The following TEDC1 variants were observed in gnomAD, a reference collection of about 807,000 sequenced individuals.
TEDC1 encodes the protein tubulin epsilon and delta complex protein 1.
TEDC1 carries 54 observed loss-of-function variants against 59.9 expected under a neutral mutation model. That is an observed-to-expected ratio of 0.90 (90% CI 0.72 to 1.13). The LOEUF (loss-of-function observed/expected upper bound fraction) is 1.13. Ranked by LOEUF, TEDC1 falls within the 50% of genes most tolerant of loss-of-function variation. The pLI is 0.00. For synonymous variants in TEDC1, 353 were observed against 298.1 expected (o/e 1.18, Z -1.90); for missense variants, 734 against 683.4 (o/e 1.07, Z -0.83).
chr14:105,497,947 G>C lies in TEDC1; in HGVS notation c.1128G>C (p.Ala376=). The change falls in exon 8 of 9, where the codon GCG becomes GCC. Residue 376 remains alanine, a synonymous_variant. Coordinates refer to ENST00000392523, the MANE Select transcript of TEDC1 (RefSeq NM_001367178.1). The part of the protein sequence containing the change: ...QALEEELREA[A]ERRRAAWEAK... ...TGGAGGAGGAGCTGCGGGAGGCTGC[G>C]GAGCGCAGGCGGGCGGCCTGGGAGG... The C allele has an allele frequency of 6.5e-7, 1 of 1,542,970 alleles. No individual in the cohort carries two copies. The highest frequency in any genetic ancestry group is 8.7e-7 in the Non-Finnish European group (1 of 1,144,258).
At chr14:105,493,955 C>A in intron 5 of TEDC1, 22 bp downstream of exon 5, 2 of 98,966 alleles carry the variant, frequency 2.0e-5, no homozygotes, top group Non-Finnish European at 1.9e-5. Context: ...CAAGCTGCTG[C>A]GGGGGGGTGG....
At chr14:105,490,781 T>G (rs1442587636), upstream of TEDC1, 11 of 521,630 alleles carry the variant, frequency 2.1e-5, 1 homozygote, top group Middle Eastern at 1.1e-3. Context: ...GGCGGCGCGA[T>G]GGGGCGAGGC....
rs781819407 is a variant in TEDC1, at chr14:105,493,872, G to A, written c.623G>A (p.Ser208Asn). 7 of 1,602,480 alleles carry A rather than the reference G, an allele frequency of 4.4e-6. No individual in the cohort carries two copies. The African/African-American group carries it at 6.7e-5, about 15-fold the overall frequency. Residue 208 changes from serine to asparagine, a missense_variant, in exon 5 of 9, where the codon AGC becomes AAC. Ser to Asn is a conservative substitution (Grantham distance 46). Coordinates refer to ENST00000392523, the MANE Select transcript of TEDC1 (RefSeq NM_001367178.1). ...LYTRGCHSDQ[S>N]LSHLSVTEAE... Reference sequence around the variant, plus strand: ...ACACGCGGCTGCCACAGCGACCAGAGCCTTAGCCATCTGTCTGTCACTGAA... The same window carrying A: ...ACACGCGGCTGCCACAGCGACCAGAACCTTAGCCATCTGTCTGTCACTGAA...
chr14:105,492,079 C>G (rs1429432192), intron 2 of TEDC1, 28 bp from the exon 3 acceptor site: 1 of 1,562,762 alleles, frequency 6.4e-7, no homozygotes, highest in Non-Finnish European at 8.7e-7. Context: ...GTGGGTGGTC[C>G]CCCTAAGGTG....
upstream of TEDC1, chr14:105,490,929 G>T: frequency 1.7e-6 from 2 of 1,155,954 alleles, no homozygotes; most frequent in African/African-American, 1.5e-5. Context: ...GTCGGGTGTC[G>T]TGACGATTGA....
In TEDC1 at chr14:105,498,213, G is replaced by A. The variant is rs587696386; in HGVS notation, c.1158+236G>A. Among the ~76,000 whole-genome samples, 10 of 152,300 alleles carry A rather than the reference G, an allele frequency of 6.6e-5. No homozygotes were observed. The South Asian group carries it at 1.9e-3, about 28-fold the overall frequency. Reference sequence around the variant, plus strand: ...TCTGTTGTCTGATTCTTTGCATGAGGGAGGGAAGCCCGTGCTGTGTGGGCC... The same window carrying A: ...TCTGTTGTCTGATTCTTTGCATGAGAGAGGGAAGCCCGTGCTGTGTGGGCC... On this transcript the variant is annotated intron_variant, in intron 8 of 8. Transcript: ENST00000392523.
At chr14:105,491,159 A>G, upstream of TEDC1, 1 of 1,550,172 alleles carries the variant, frequency 6.5e-7, no homozygotes, top group Non-Finnish European at 8.7e-7. Context: ...GATTGGGTAC[A>G]GGTCTCGGCC....
At chr14:105,491,006 C>G, upstream of TEDC1, 2 of 1,547,278 alleles carry the variant, frequency 1.3e-6, no homozygotes, top group Non-Finnish European at 1.7e-6. Flanking sequence ...GGAAGTGGGT[C>G]CGCACGAGAC....
At chr14:105,493,280 A>C (rs2084259446) in intron 4 of TEDC1, among the ~76,000 whole-genome samples, 1 of 148,802 alleles carries the variant, frequency 6.7e-6, no homozygotes, top group African/African-American at 2.5e-5. Context: ...CTCCTTGGAG[A>C]CCCCCCCATC....
Position 105,491,293 on chromosome 14 carries a change from T to A in TEDC1, c.-83T>A. ...TGGGCGCAGGTCCCAGCCGCCGCAC[T>A]AAACCCGGCCCGTGCGGTGATTGGA... On this transcript the variant is annotated 5_prime_UTR_variant, in exon 1 of 9. Transcript: ENST00000392523. 2 of 1,508,616 alleles carry A rather than the reference T, an allele frequency of 1.3e-6. No homozygotes were observed. Among genetic ancestry groups the A allele is most frequent in the Non-Finnish European group, 1.8e-6 (2 of 1,131,554 alleles). The allele number at this position is 1,508,616 out of a possible 1,614,324, so 93.5% of individuals were successfully genotyped here.
chr14:105,492,008 G>C, intron 2 of TEDC1, 99 bp from the exon 3 acceptor site: 2 of 1,268,566 alleles, frequency 1.6e-6, no homozygotes, highest in Middle Eastern at 4.1e-4. Flanking sequence ...ACTAGGCCTT[G>C]AGCTTCTGCT....
rs2084201170 is a variant in TEDC1 at position 105,491,331 on chromosome 14, G to A, written c.-45G>A. On this transcript the variant is annotated 5_prime_UTR_variant, in exon 1 of 9. Transcript: ENST00000392523. ...TGCGGTGATTGGACGCAGGCCCCGG[G>A]CCGCGGCGGAGGCGGGCGATCCGAA... 11 of 1,467,286 alleles carry A rather than the reference G, an allele frequency of 7.5e-6. No individual in the cohort carries two copies. Among genetic ancestry groups the A allele is most frequent in the Non-Finnish European group, 9.9e-6 (11 of 1,113,778 alleles). 90.9% of individuals were successfully genotyped at this position (1,467,286 alleles called of 1,614,324 possible). A position where few individuals can be genotyped will look rare whatever the true frequency, so the allele number is the denominator to read the frequency against.
Position 105,498,688 on chromosome 14 carries a change from G to T in TEDC1, c.1230G>T (p.Glu410Asp). 6.4e-7 allele frequency: 1 copy of T among 1,553,762 alleles called. No homozygotes were observed. Among genetic ancestry groups the T allele is most frequent in the Non-Finnish European group, 8.7e-7 (1 of 1,149,090 alleles). ...RRASREAVEK[E>D]LGALQQCWER... ...CCTCTCGGGAGGCTGTGGAAAAGGA[G>T]CTGGGAGCTCTACAGCAGTGCTGGG... Residue 410 changes from glutamate to aspartate, a missense_variant, in exon 9 of 9, where the codon GAG becomes GAT. Coordinates refer to ENST00000392523, the MANE Select transcript of TEDC1 (RefSeq NM_001367178.1).
upstream of TEDC1, chr14:105,490,614 C>T (rs1259572865): frequency 5.9e-5 from 9 of 153,658 alleles, no homozygotes; most frequent in African/African-American, 2.2e-4. Context: ...GGGCGAGGAT[C>T]GGGAGCGCCT....
At chr14:105,497,600 G>A in intron 7 of TEDC1, 157 bp downstream of exon 7, 2 of 1,126,068 alleles carry the variant, frequency 1.8e-6, no homozygotes, top group South Asian at 1.6e-5. Flanking sequence ...CTCGCCTTCT[G>A]GGGAGGCTCA....
intron 2 of TEDC1, among the ~76,000 whole-genome samples, 174 bp downstream of exon 2, chr14:105,491,874 C>T (rs2084220745): frequency 2.0e-5 from 3 of 152,184 alleles, no homozygotes; most frequent in African/African-American, 7.2e-5. Flanking sequence ...CCTGATGGGC[C>T]CTAGCTCCAC....
At chr14:105,495,736 C>A in intron 5 of TEDC1, 144 bp from the exon 6 acceptor site, 2 of 702,178 alleles carry the variant, frequency 2.8e-6, no homozygotes, top group Non-Finnish European at 4.7e-6. Context: ...CTGCCCTGGC[C>A]CCAGGCTGCT....
At chr14:105,496,146 G>GGGGGCCCCCCCCCC in intron 6 of TEDC1, 60 bp downstream of exon 6, 1 of 331,608 alleles carries the variant, frequency 3.0e-6, no homozygotes, top group Non-Finnish European at 5.9e-6. Flanking sequence ...GGGTGGGAGG[G>GGGGGCCCCCCCCCC]GGTGGCGAGG....
intron 7 of TEDC1, 126 bp downstream of exon 7, chr14:105,497,569 A>G (rs1445260294): frequency 4.8e-6 from 6 of 1,237,622 alleles, no homozygotes; most frequent in Non-Finnish European, 6.6e-6. Flanking sequence ...GACCTAGTGT[A>G]GGCTCTTTCT....
Sources: gnomAD v4.1 joint callset for allele counts (sites outside exome capture counted in the v4.1 genomes callset) on GRCh38, gnomAD v4.1.1 for gene constraint, MANE v1.5 for transcripts, NCBI Gene and HGNC (gene_info 2026-07-23, HGNC 2026-07-21) for gene names.